AXIN1: variants seen among roughly 807,000 people sequenced by gnomAD.
AXIN1 encodes the protein axin-1.
Under a neutral mutation model 76.4 loss-of-function variants are expected in AXIN1, and 30 were observed. That is an observed-to-expected ratio of 0.39 (90% confidence interval 0.29 to 0.53). The LOEUF (loss-of-function observed/expected upper bound fraction) is 0.53. AXIN1 is among the 20% of genes least tolerant of loss of function. AXIN1 has a pLI of 0.66. For synonymous variants in AXIN1, 545 were observed against 501.4 expected, an observed-to-expected ratio of 1.09 and a Z score of -1.16; for missense variants, 1,140 against 1,198.8, an observed-to-expected ratio of 0.95 and a Z score of 0.72.
At chr16:299,547 G>T (rs1440537090) in intron 5 of AXIN1, among the ~76,000 whole-genome samples, 1 of 151,598 alleles carries the variant, frequency 6.6e-6, no homozygotes, top group South Asian at 2.1e-4. Context: ...TAGAGACGGG[G>T]TTTCACCATG....
intron 2 of AXIN1, among the ~76,000 whole-genome samples, chr16:329,724 C>T (rs998458954): frequency 4.6e-5 from 7 of 150,956 alleles, no homozygotes; most frequent in African/African-American, 9.7e-5. Flanking sequence ...CCCAGGTTCA[C>T]GCCATTCTCC....
Position 352,541 on chromosome 16 carries a change from C to A in AXIN1, c.-254G>T, listed in dbSNP as rs1467340719. The A allele has an allele frequency of 1.3e-5, 6 of 465,336 alleles. No individual in the cohort carries two copies. The highest frequency in any genetic ancestry group is 1.4e-5 in the Non-Finnish European group (5 of 358,100). 28.8% of individuals were successfully genotyped at this position (465,336 alleles called of 1,614,324 possible). On this transcript the variant is annotated 5_prime_UTR_variant, in exon 1 of 11. Coordinates refer to ENST00000262320, the MANE Select transcript of AXIN1 (RefSeq NM_003502.4). ...GGCCCGGAGGCGGACGCGGGGCAGG[C>A]CGCGGGGGCGCCGCAGGGGCCCAGC...
chr16:322,324 G>A (rs1171807567), intron 2 of AXIN1, among the ~76,000 whole-genome samples: 6 of 152,190 alleles, frequency 3.9e-5, no homozygotes, highest in Non-Finnish European at 5.9e-5. Context: ...GCGGTCTAAC[G>A]GGAGGCAATA....
chr16:294,755 C>CAAAAAA (rs1015576394), intron 7 of AXIN1, among the ~76,000 whole-genome samples: 3 of 24,756 alleles, frequency 1.2e-4, no homozygotes, highest in Admixed American at 5.3e-4. Context: ...AACCCCATCT[C>CAAAAAA]AAAAAAAAAA....
chr16:314,280 T>C (rs1024933995), intron 3 of AXIN1, among the ~76,000 whole-genome samples: 1 of 152,136 alleles, frequency 6.6e-6, no homozygotes, highest in African/African-American at 2.4e-5. Flanking sequence ...CCTGCCTGCA[T>C]GTCCAGACGC....
intron 2 of AXIN1, among the ~76,000 whole-genome samples, chr16:320,743 A>ATATATT (rs397722732): frequency 5.4e-4 from 58 of 107,614 alleles, no homozygotes; most frequent in African/African-American, 1.7e-3. Flanking sequence ...ATATATATAT[A>ATATATT]TTTTTTTTTT....
chr16:293,699 GCTT>G lies in AXIN1; in HGVS notation c.1972_1974del (p.Lys658del). ...GGTCTGGAGTTCTCATGGGGCTGTGGCTTCCTCGTCCCCGAAGACCTTGGGGAA... is the reference window on the plus strand; with the variant it reads ...GGTCTGGAGTTCTCATGGGGCTGTGGCCTCGTCCCCGAAGACCTTGGGGAA... On this transcript the variant is annotated inframe_deletion, in exon 8 of 11. Coordinates refer to ENST00000262320, the MANE Select transcript of AXIN1 (RefSeq NM_003502.4). This position sits in a 1 kb window ranked among gnomAD's most constrained non-coding sequence, Gnocchi z 4.6. 1 of 1,613,666 alleles carries G rather than the reference GCTT, an allele frequency of 6.2e-7. No homozygotes were observed. Among genetic ancestry groups the G allele is most frequent in the Non-Finnish European group, 8.5e-7 (1 of 1,180,018 alleles).
At chr16:352,316 CG>C in intron 1 of AXIN1, 52 bp downstream of exon 1, 2 of 959,928 alleles carry the variant, frequency 2.1e-6, no homozygotes, top group Non-Finnish European at 2.5e-6. Flanking sequence ...TTCCGGGTCC[CG>C]CCCGCCCGGC....
At chr16:321,621 C>T (rs974224496) in intron 2 of AXIN1, among the ~76,000 whole-genome samples, 1 of 152,108 alleles carries the variant, frequency 6.6e-6, no homozygotes, top group South Asian at 2.1e-4. Context: ...TAAACCCTCT[C>T]ACAGCTGGGA....
At chr16:319,328 A>G (rs575541305) in intron 2 of AXIN1, among the ~76,000 whole-genome samples, 2 of 152,264 alleles carry the variant, frequency 1.3e-5, no homozygotes, top group South Asian at 2.1e-4. Context: ...TCTGTCTCAA[A>G]AACAAAAATG....
chr16:298,208 C>T lies in AXIN1; in HGVS notation c.1298G>A (p.Gly433Glu), dbSNP rs2141516099. ...GGCGGGAGGCAGCTTGTGACACGGC[C>T]CTGGGGGCCCTGACGATGGATCGCC... ...EDGDPSSGPP[G>E]PCHKLPPAPA... Residue 433 changes from glycine (G) to glutamate (E), a missense_variant, in exon 6 of 11, where the codon GGG (glycine) becomes GAG (glutamate). By Grantham distance (98) the Gly-to-Glu change is moderately conservative. Coordinates refer to ENST00000262320, the MANE Select transcript of AXIN1 (RefSeq NM_003502.4). 4 of 1,540,978 alleles carry T rather than the reference C, an allele frequency of 2.6e-6. No homozygotes were observed. Among genetic ancestry groups the T allele is most frequent in the Middle Eastern group, 1.7e-4 (1 of 5,994 alleles).
chr16:320,733 A>ATT (rs1567286959), intron 2 of AXIN1, among the ~76,000 whole-genome samples: 1 of 86,230 alleles, frequency 1.2e-5, no homozygotes, highest in Non-Finnish European at 2.1e-5. Context: ...GTATATATAT[A>ATT]TATATATATA....
chr16:341,504 G>A (rs2053919967), intron 2 of AXIN1, among the ~76,000 whole-genome samples: 1 of 152,256 alleles, frequency 6.6e-6, no homozygotes, highest in South Asian at 2.1e-4. Flanking sequence ...TTCCTGCAGG[G>A]CAGGGCTCGG....
intron 4 of AXIN1, among the ~76,000 whole-genome samples, chr16:305,256 C>T (rs903835432): frequency 1.3e-5 from 2 of 152,096 alleles, no homozygotes; most frequent in African/African-American, 4.8e-5. Flanking sequence ...TTACTTGAGC[C>T]CAGAAATTAA....
intron 2 of AXIN1, among the ~76,000 whole-genome samples, chr16:334,339 G>C (rs547115037): frequency 8.1e-5 from 12 of 148,896 alleles, no homozygotes; most frequent in African/African-American, 3.0e-4. Context: ...TAATTACACA[G>C]CACCCAGTAC....
chr16:298,444 A>G (rs964340684), intron 5 of AXIN1, among the ~76,000 whole-genome samples, 193 bp from the exon 6 acceptor site: 1 of 152,258 alleles, frequency 6.6e-6, no homozygotes, highest in African/African-American at 2.4e-5. Context: ...GAGCGGAGAC[A>G]GCAAGGCCTC....
At chr16:336,775 C>G (rs1214479349) in intron 2 of AXIN1, among the ~76,000 whole-genome samples, 1 of 147,574 alleles carries the variant, frequency 6.8e-6, no homozygotes, top group Non-Finnish European at 1.5e-5. Flanking sequence ...TGAGGTTGCA[C>G]CACTGCACTC....
rs996461674 is a variant in AXIN1 at position 347,245 on chromosome 16, A to G, written c.-81-139T>C. On this transcript the variant is annotated intron_variant, in intron 1 of 10. Transcript: ENST00000262320. ...AGAAACTCAGTTTAAATGTTCAATC[A>G]AGATATATTTTGGCCACAAGCATAG... 3.2e-5 allele frequency: 26 copies of G among 820,912 alleles called. 1 individual carries two copies. Among genetic ancestry groups the G allele is most frequent in the Non-Finnish European group, 3.3e-5 (18 of 538,898 alleles). 50.9% of individuals were successfully genotyped at this position (820,912 alleles called of 1,614,324 possible). A position where few individuals can be genotyped will look rare whatever the true frequency, so the allele number is the denominator to read the frequency against.
intron 5 of AXIN1, 135 bp downstream of exon 5, chr16:304,169 C>T (rs2141543500): frequency 1.4e-6 from 2 of 1,458,848 alleles, no homozygotes; most frequent in South Asian, 2.4e-5. Context: ...GAACAGGGGA[C>T]TCAGCCGGGA....
Sources: allele counts gnomAD v4.1 joint callset (sites outside exome capture counted in the v4.1 genomes callset), GRCh38; gene constraint gnomAD v4.1.1; non-coding constraint Gnocchi (gnomAD v3.1); transcripts MANE v1.5; gene names NCBI Gene and HGNC (gene_info 2026-07-23, HGNC 2026-07-21).